The following RAPGEF4 variants were observed in gnomAD, a reference collection of about 807,000 sequenced individuals.
The protein encoded by RAPGEF4 is Rap guanine nucleotide exchange factor 4.
Under a neutral mutation model 147.9 loss-of-function variants are expected in RAPGEF4, and 66 were observed. The observed-to-expected ratio is 0.45, with a 90% CI of 0.37 to 0.55. RAPGEF4 has a LOEUF of 0.55. Ranked by LOEUF, RAPGEF4 falls within the 20% of genes least tolerant of loss-of-function variation. RAPGEF4 has a pLI of 0.00. For synonymous variants in RAPGEF4, 419 were observed against 442.7 expected (o/e 0.95, Z 0.67); for missense variants, 1,071 against 1,257.3 (o/e 0.85, Z 2.24).
chr2:172,736,810 A>G lies in RAPGEF4; in HGVS notation c.65+762A>G, dbSNP rs1693823037. Among the ~76,000 whole-genome samples the G allele has an allele frequency of 2.6e-5, 4 of 152,234 alleles. No homozygotes were observed. The South Asian group carries it at 8.3e-4, about 32-fold the overall frequency. On this transcript the variant is annotated intron_variant, in intron 1 of 30. Transcript: ENST00000397081. Reference sequence around the variant, plus strand: ...TTAAACGTTACACAGTATGTTAGCAATTATAGCTTATTACCCTGATTAAAA... The same window carrying G: ...TTAAACGTTACACAGTATGTTAGCAGTTATAGCTTATTACCCTGATTAAAA...
At chr2:172,916,003 AGACACT>A (rs1373695294) in intron 4 of RAPGEF4, among the ~76,000 whole-genome samples, 2 of 152,176 alleles carry the variant, frequency 1.3e-5, no homozygotes, top group African/African-American at 2.4e-5. Flanking sequence ...GCCCATCCTG[AGACACT>A]GTACATAGTA....
In RAPGEF4 at chr2:172,944,144, G is replaced by A. The variant is rs3769253; in HGVS notation, c.538-16616G>A. Among the ~76,000 whole-genome samples, 5 of 151,986 alleles carry A rather than the reference G, an allele frequency of 3.3e-5. No homozygotes were observed. In the East Asian group the frequency reaches 5.8e-4, roughly 18 times the overall value. On this transcript the variant is annotated intron_variant, in intron 6 of 30. Transcript: ENST00000397081. ...AACATCTTAGGCTGCCTTCTGCTCC[G>A]TCCTTCCTTCTGTTCTTGGTAAATG...
intron 6 of RAPGEF4, among the ~76,000 whole-genome samples, chr2:172,939,982 T>C (rs185265066): frequency 3.0e-4 from 45 of 152,320 alleles, no homozygotes; most frequent in Middle Eastern, 3.4e-3. Context: ...TCCATTCATC[T>C]ACATGTCTGT....
At chr2:172,851,507 C>T in intron 4 of RAPGEF4, among the ~76,000 whole-genome samples, 1 of 152,066 alleles carries the variant, frequency 6.6e-6, no homozygotes, top group East Asian at 1.9e-4. Flanking sequence ...ATGTTCATCG[C>T]AGCACTATTC....
At chr2:172,924,297 A>C (rs1685054462) in intron 6 of RAPGEF4, among the ~76,000 whole-genome samples, 1 of 152,216 alleles carries the variant, frequency 6.6e-6, no homozygotes, top group Non-Finnish European at 1.5e-5. Flanking sequence ...CAACAGGCAC[A>C]GGGCTCTAAG....
chr2:172,785,772 A>C (rs1685134581), intron 1 of RAPGEF4, among the ~76,000 whole-genome samples: 2 of 152,120 alleles, frequency 1.3e-5, no homozygotes, highest in Non-Finnish European at 2.9e-5. Flanking sequence ...ATGGGAAGGC[A>C]CTGGGCAGAG....
chr2:172,857,977 C>A (rs955506838), intron 4 of RAPGEF4, among the ~76,000 whole-genome samples: 47 of 141,314 alleles, frequency 3.3e-4, no homozygotes, highest in Non-Finnish European at 6.1e-4. Context: ...CTTTTAGTGA[C>A]TAAAATAAAG....
intron 4 of RAPGEF4, among the ~76,000 whole-genome samples, chr2:172,827,966 T>C (rs1689859329): frequency 1.3e-5 from 2 of 152,168 alleles, no homozygotes. Context: ...TTTCTAGTTG[T>C]AGTGCCTCTA....
chr2:172,735,318 A>G (rs538935918), upstream of RAPGEF4: 12 of 146,940 alleles, frequency 8.2e-5, no homozygotes, highest in East Asian at 2.2e-3. Context: ...CTGGCCTCTC[A>G]TTCCTCACTG....
Position 172,937,669 on chromosome 2 carries a change from C to T in RAPGEF4, c.537+15369C>T, listed in dbSNP as rs190235089. On this transcript the variant is annotated intron_variant, in intron 6 of 30. Coordinates refer to ENST00000397081, the MANE Select transcript of RAPGEF4 (RefSeq NM_007023.4). ...ACTGAACTCTTTGGAAGGAAGTCAT[C>T]GTGCACACAGCCCACACTTAAGGAG... Among the ~76,000 whole-genome samples, 308 of 152,260 alleles carry T rather than the reference C, an allele frequency of 2.0e-3. 1 individual carries two copies. Among genetic ancestry groups the T allele is most frequent in the East Asian group, 9.6e-4 (5 of 5,184 alleles).
intron 7 of RAPGEF4, 77 bp from the exon 8 acceptor site, chr2:172,961,045 T>A: frequency 8.6e-7 from 1 of 1,158,402 alleles, no homozygotes; most frequent in Admixed American, 1.8e-5. Flanking sequence ...GGAAAGTGGT[T>A]TCAGGATTTG....
chr2:172,954,256 G>T (rs1056910831), intron 6 of RAPGEF4, among the ~76,000 whole-genome samples: 1 of 152,118 alleles, frequency 6.6e-6, no homozygotes, highest in Non-Finnish European at 1.5e-5. Flanking sequence ...ACCAGTTTGT[G>T]GTTTCCAGGT....
chr2:172,966,192 T>C (rs1689823831), intron 9 of RAPGEF4, among the ~76,000 whole-genome samples: 1 of 152,230 alleles, frequency 6.6e-6, no homozygotes, highest in Admixed American at 6.5e-5. Flanking sequence ...TCTTGATAAC[T>C]GCAGGGGCTG....
intron 29 of RAPGEF4, among the ~76,000 whole-genome samples, chr2:173,047,436 C>T (rs539300489): frequency 2.0e-5 from 3 of 152,242 alleles, no homozygotes; most frequent in Admixed American, 6.5e-5. Flanking sequence ...TGAATACATG[C>T]TTTTTAAAAA....
At chr2:172,984,751 G>C (rs546602899) in intron 11 of RAPGEF4, among the ~76,000 whole-genome samples, 1 of 152,238 alleles carries the variant, frequency 6.6e-6, no homozygotes, top group South Asian at 2.1e-4. Context: ...GTGCTCCAGG[G>C]ACCCAGCATG....
intron 5 of RAPGEF4, 111 bp downstream of exon 5, chr2:172,917,985 C>T (rs1559119014): frequency 3.3e-6 from 3 of 921,626 alleles, no homozygotes; most frequent in Admixed American, 3.4e-5. Context: ...TCTCCAGACT[C>T]TTTTGTGGAT....
intron 3 of RAPGEF4, among the ~76,000 whole-genome samples, chr2:172,800,397 T>C (rs1007862498): frequency 2.6e-5 from 4 of 152,120 alleles, no homozygotes; most frequent in African/African-American, 9.7e-5. Flanking sequence ...CATGCCAAGA[T>C]GCTTGCAAGG....
chr2:172,757,558 C>G (rs1695896639), intron 1 of RAPGEF4, among the ~76,000 whole-genome samples: 1 of 152,158 alleles, frequency 6.6e-6, no homozygotes, highest in Non-Finnish European at 1.5e-5. Context: ...TAATATATTG[C>G]TTTTAATCCT....
rs1452930835 is a variant in RAPGEF4 at position 172,967,298 on chromosome 2, C to T, written c.858C>T (p.Phe286=). The T allele has an allele frequency of 6.2e-7, 1 of 1,612,114 alleles. No homozygotes were observed. The highest frequency in any genetic ancestry group is 1.3e-5 in the African/African-American group (1 of 74,870). ...ACCATTTCCAAGACAAATATTTATT[C>T]TATCGATTTCTGGATGATGAGCACG... ...QEHHFQDKYL[F]YRFLDDEHED... is the part of the protein sequence containing the mutation. Residue 286 remains phenylalanine (F), a synonymous_variant, in exon 10 of 31, where the codon TTC becomes TTT. Coordinates refer to ENST00000397081, the MANE Select transcript of RAPGEF4 (RefSeq NM_007023.4).
Sources: gnomAD v4.1 joint callset for allele counts (sites outside exome capture counted in the v4.1 genomes callset) on GRCh38, gnomAD v4.1.1 for gene constraint, MANE v1.5 for transcripts, NCBI Gene and HGNC (gene_info 2026-07-23, HGNC 2026-07-21) for gene names.